PJA2: variants seen among roughly 807,000 people sequenced by gnomAD.
PJA2 encodes the protein praja ring finger ubiquitin ligase 2, also known as E3 ubiquitin-protein ligase Praja-2.
In PJA2, 25 loss-of-function variants were observed where a neutral mutation model predicts 69.3. That is an observed-to-expected ratio of 0.36 (90% CI 0.26 to 0.50). The LOEUF is 0.50. Among genes scored for constraint, PJA2 ranks in the 20% least tolerant of loss-of-function variants. The probability of loss-of-function intolerance (pLI) is 0.96; values close to 1 mark genes in which losing one functional copy is unlikely to be tolerated. For synonymous variants in PJA2, 308 were observed against 277.8 expected (o/e 1.11, Z -1.08); for missense variants, 809 against 830.2 (o/e 0.97, Z 0.31).
intron 9 of PJA2, among the ~76,000 whole-genome samples, chr5:109,341,952 A>G: frequency 9.8e-6 from 1 of 101,950 alleles, no homozygotes; most frequent in Non-Finnish European, 2.0e-5. Context: ...CCCTACTGGG[A>G]AGTGAGGAGC....
rs116163301 is a variant in PJA2, at chr5:109,359,328, A to G, written c.1653-3302T>C. ...GCTATCAGTAGTTAACCTTCTGAAGAGTCAAAAGTTACGCTTGGATTTTCT... is the reference window on the plus strand; with the variant it reads ...GCTATCAGTAGTTAACCTTCTGAAGGGTCAAAAGTTACGCTTGGATTTTCT... On this transcript the variant is annotated intron_variant, in intron 6 of 9. Transcript: ENST00000361189. Among the ~76,000 whole-genome samples the G allele has an allele frequency of 6.7e-3, 1,028 of 152,348 alleles. 11 individuals are homozygous for G. The highest frequency in any genetic ancestry group is 0.024 in the African/African-American group (984 of 41,570).
At chr5:109,368,798 C>G in intron 4 of PJA2, 52 bp from the exon 5 acceptor site, 8 of 1,527,928 alleles carry the variant, frequency 5.2e-6, no homozygotes, top group Non-Finnish European at 7.1e-6. Flanking sequence ...TTATTTTTAT[C>G]ATTTGGGGTG....
Position 109,367,404 on chromosome 5 carries a change from A to G in PJA2, c.1469+1157T>C, listed in dbSNP as rs536500572. Among the ~76,000 whole-genome samples the G allele has an allele frequency of 1.1e-4, 16 of 151,806 alleles. No homozygotes were observed. The East Asian group carries it at 2.1e-3, about 20-fold the overall frequency. On this transcript the variant is annotated intron_variant, in intron 5 of 9. Transcript: ENST00000361189. ...AAAAGTTCTTTTCCTAAAAAAAAAC[A>G]TAATTTACCAAAATAGTTCCCATGA... is the stretch of plus-strand genomic sequence containing the variant.
At chr5:109,408,605 C>A (rs1747749471) in intron 1 of PJA2, among the ~76,000 whole-genome samples, 2 of 151,584 alleles carry the variant, frequency 1.3e-5, no homozygotes. Context: ...GAAAAATGAA[C>A]ACTAAACTGT....
At chr5:109,368,835 G>C (rs1368647305) in intron 4 of PJA2, 89 bp from the exon 5 acceptor site, 1 of 1,324,500 alleles carries the variant, frequency 7.6e-7, no homozygotes, top group Non-Finnish European at 1.0e-6. Context: ...GTTTGGATCT[G>C]TGTCCCCACC....
intron 7 of PJA2, among the ~76,000 whole-genome samples, chr5:109,354,283 A>G (rs369587373): frequency 2.1e-5 from 3 of 146,056 alleles, no homozygotes; most frequent in Non-Finnish European, 3.0e-5. Flanking sequence ...TCTATAGATT[A>G]GATATCTATG....
At chr5:109,354,918 C>T (rs1051139313) in intron 7 of PJA2, among the ~76,000 whole-genome samples, 4 of 151,664 alleles carry the variant, frequency 2.6e-5, no homozygotes, top group Non-Finnish European at 5.9e-5. Flanking sequence ...AGTTTGAGAC[C>T]AGCCTGGGTA....
intron 1 of PJA2, among the ~76,000 whole-genome samples, chr5:109,397,774 G>A (rs777361408): frequency 9.2e-5 from 14 of 151,948 alleles, no homozygotes; most frequent in Admixed American, 2.0e-4. Context: ...TCCACCCAGC[G>A]TGGCCTCTCA....
intron 6 of PJA2, among the ~76,000 whole-genome samples, chr5:109,361,057 G>A (rs566626790): frequency 1.7e-3 from 265 of 151,524 alleles, no homozygotes; most frequent in African/African-American, 6.2e-3. Flanking sequence ...GAACCCGGGA[G>A]GCAGAAGTTG....
At chr5:109,353,524 G>C (rs1230670445) in intron 7 of PJA2, among the ~76,000 whole-genome samples, 1 of 123,582 alleles carries the variant, frequency 8.1e-6, no homozygotes, top group Non-Finnish European at 1.6e-5. Flanking sequence ...CTATATATTA[G>C]ATATCTATAA....
At chr5:109,341,089 G>C (rs1762045758) in intron 9 of PJA2, among the ~76,000 whole-genome samples, 1 of 133,674 alleles carries the variant, frequency 7.5e-6, no homozygotes, top group Non-Finnish European at 1.7e-5. Flanking sequence ...GAGCGTCTCT[G>C]CCTGGCCACC....
chr5:109,353,661 T>G (rs1762324757), intron 7 of PJA2, among the ~76,000 whole-genome samples: 1 of 144,690 alleles, frequency 6.9e-6, no homozygotes, highest in Non-Finnish European at 1.6e-5. Flanking sequence ...TAGATACCTA[T>G]TATATCTACA....
At chr5:109,364,921 A>G (rs1385580761) in intron 5 of PJA2, among the ~76,000 whole-genome samples, 2 of 152,248 alleles carry the variant, frequency 1.3e-5, no homozygotes, top group African/African-American at 4.8e-5. Flanking sequence ...AATGCAAATT[A>G]AAACAACTGA....
intron 1 of PJA2, among the ~76,000 whole-genome samples, chr5:109,393,590 T>C: frequency 6.6e-6 from 1 of 151,928 alleles, no homozygotes; most frequent in Non-Finnish European, 1.5e-5. Context: ...GCTATCATCC[T>C]AGCACTGCAT....
chr5:109,369,276 C>G (rs576120504), intron 4 of PJA2, among the ~76,000 whole-genome samples: 1 of 152,194 alleles, frequency 6.6e-6, no homozygotes, highest in Non-Finnish European at 1.5e-5. Flanking sequence ...GCCACATATG[C>G]TTTGTCAGGT....
chr5:109,373,327 G>C (rs1001342882), intron 4 of PJA2, among the ~76,000 whole-genome samples: 1 of 152,154 alleles, frequency 6.6e-6, no homozygotes, highest in Non-Finnish European at 1.5e-5. Context: ...AGGACAATTA[G>C]ATGAAGTGTC....
intron 9 of PJA2, among the ~76,000 whole-genome samples, chr5:109,343,300 AGAAAGAAAG>A (rs1762113749): frequency 2.5e-5 from 3 of 119,978 alleles, no homozygotes; most frequent in Admixed American, 8.7e-5. Context: ...AAAGAAAGAA[AGAAAGAAAG>A]AAAAAAAGAA....
At chr5:109,408,315 T>C (rs1747737048) in intron 1 of PJA2, among the ~76,000 whole-genome samples, 1 of 152,210 alleles carries the variant, frequency 6.6e-6, no homozygotes, top group Non-Finnish European at 1.5e-5. Context: ...GTTATTTTCA[T>C]TATAAATCAT....
chr5:109,399,091 A>C (rs995625084), intron 1 of PJA2, among the ~76,000 whole-genome samples: 2 of 151,920 alleles, frequency 1.3e-5, no homozygotes, highest in African/African-American at 4.8e-5. Flanking sequence ...CATGGCTGTA[A>C]TCCCAGCTGC....
Sources: gnomAD v4.1 joint callset for allele counts (sites outside exome capture counted in the v4.1 genomes callset) on GRCh38, gnomAD v4.1.1 for gene constraint, MANE v1.5 for transcripts, NCBI Gene and HGNC (gene_info 2026-07-23, HGNC 2026-07-21) for gene names.